Variants in EEPD1 observed in about 807,000 individuals in gnomAD.
EEPD1 encodes the protein endonuclease/exonuclease/phosphatase family domain containing 1, also known as endonuclease/exonuclease/phosphatase family domain-containing protein 1.
Under a neutral mutation model 46.3 loss-of-function variants are expected in EEPD1, and 17 were observed. The ratio of observed to expected loss-of-function variants is 0.37; its 90% CI spans 0.25 to 0.55. EEPD1 has a LOEUF of 0.55. EEPD1 is among the 20% of genes least tolerant of loss of function. The pLI is 0.83. For missense variants in EEPD1, 673 were observed against 745.6 expected (o/e 0.90, Z 1.13); for synonymous variants, 313 against 315.6 (o/e 0.99, Z 0.09).
intron 2 of EEPD1, among the ~76,000 whole-genome samples, chr7:36,218,017 T>A (rs1277535516): frequency 6.6e-6 from 1 of 152,210 alleles, no homozygotes; most frequent in Non-Finnish European, 1.5e-5. Flanking sequence ...TACTCTTTCC[T>A]AGAGAAATGA....
At chr7:36,251,732 T>A (rs1302042123) in intron 3 of EEPD1, among the ~76,000 whole-genome samples, 1 of 152,232 alleles carries the variant, frequency 6.6e-6, no homozygotes, top group Non-Finnish European at 1.5e-5. Context: ...AAATCATAGC[T>A]CACCTTCCCC....
Position 36,297,650 on chromosome 7 carries a change from G to A in EEPD1, c.1510+463G>A, listed in dbSNP as rs563916758. 7.2e-5 allele frequency among the ~76,000 whole-genome samples: 11 copies of A among 152,342 alleles called. No individual in the cohort carries two copies. In the South Asian group the frequency reaches 2.3e-3, roughly 32 times the overall value. ...TAGCAAACATTTGTCAAACATGCAA[G>A]TGTTGTGTTGTAGGATGCAGTGTGT... is the stretch of plus-strand genomic sequence containing the variant. On this transcript the variant is annotated intron_variant, in intron 7 of 7. Transcript: ENST00000242108.
chr7:36,252,041 A>C (rs1313863219), intron 3 of EEPD1, among the ~76,000 whole-genome samples: 1 of 152,216 alleles, frequency 6.6e-6, no homozygotes, highest in Non-Finnish European at 1.5e-5. Flanking sequence ...GGGAACCTGC[A>C]TCCACTGCCA....
chr7:36,283,343 G>A lies in EEPD1; in HGVS notation c.1042-1343G>A, dbSNP rs76702283. ...AAAACAGTGCTGAGCAGGTGAGGGA[G>A]GCAGAGGAAGGAGTAGGCCCCACCG... On this transcript the variant is annotated intron_variant, in intron 4 of 7. Transcript: ENST00000242108. Among the ~76,000 whole-genome samples the A allele has an allele frequency of 5.2e-3, 794 of 152,292 alleles. 6 individuals carry two copies. The highest frequency in any genetic ancestry group is 0.018 in the African/African-American group (759 of 41,564).
chr7:36,289,644 G>A (rs1329043481), intron 6 of EEPD1, among the ~76,000 whole-genome samples: 2 of 152,168 alleles, frequency 1.3e-5, no homozygotes, highest in African/African-American at 2.4e-5. Flanking sequence ...ATAGGCGCCC[G>A]CCACCGCGCC....
intron 4 of EEPD1, among the ~76,000 whole-genome samples, chr7:36,282,133 C>T (rs1230627347): frequency 2.0e-5 from 3 of 152,170 alleles, no homozygotes; most frequent in African/African-American, 7.2e-5. Flanking sequence ...TGAGTCAGCA[C>T]ACATTCAGAG....
chr7:36,172,223 T>C (rs1785097175), intron 2 of EEPD1, among the ~76,000 whole-genome samples: 1 of 152,190 alleles, frequency 6.6e-6, no homozygotes, highest in Non-Finnish European at 1.5e-5. Flanking sequence ...GAAAGTAGAA[T>C]CTCTCTTCTG....
chr7:36,299,205 G>C lies in EEPD1; in HGVS notation c.1709G>C (p.Ter570SerextTer1), dbSNP rs763530110. Residue 570 changes from the stop codon to serine, a stop_lost, in exon 8 of 8, where the codon TGA becomes TCA. Transcript: ENST00000242108. ...GAAGCCAACATCAAGCACGAGCGAT[G>C]ATGACACCAAATCCATGTGTCCACC... Reference protein sequence around the residue: ...RSEANIKHER* With the variant: ...RSEANIKHERS The C allele has an allele frequency of 3.1e-6, 5 of 1,613,422 alleles. No individual in the cohort carries two copies. In the African/African-American group the frequency reaches 6.7e-5, roughly 22 times the overall value.
intron 2 of EEPD1, among the ~76,000 whole-genome samples, chr7:36,212,894 T>A (rs539296873): frequency 3.3e-5 from 5 of 152,288 alleles, no homozygotes; most frequent in Admixed American, 3.3e-4. Context: ...GGCTCACGCC[T>A]ATAATCCCAG....
At chr7:36,294,906 G>C (rs183230931) in intron 6 of EEPD1, among the ~76,000 whole-genome samples, 1 of 152,120 alleles carries the variant, frequency 6.6e-6, no homozygotes, top group Non-Finnish European at 1.5e-5. Flanking sequence ...GGTCAGGCAC[G>C]GTGGCTCACG....
chr7:36,262,032 G>A (rs1583470333), intron 3 of EEPD1, among the ~76,000 whole-genome samples: 1 of 152,186 alleles, frequency 6.6e-6, no homozygotes. Flanking sequence ...AGCGTTCACT[G>A]ACATTCCTTA....
At chr7:36,274,752 G>C (rs749028425) in intron 3 of EEPD1, among the ~76,000 whole-genome samples, 1 of 152,054 alleles carries the variant, frequency 6.6e-6, no homozygotes, top group Non-Finnish European at 1.5e-5. Context: ...TGCAGCCCCC[G>C]TGTGCTCACC....
chr7:36,248,549 G>T (rs1246475570), intron 3 of EEPD1, among the ~76,000 whole-genome samples: 2 of 135,618 alleles, frequency 1.5e-5, no homozygotes, highest in Admixed American at 7.7e-5. Context: ...AAAACACTGT[G>T]TTATTTCAAA....
Position 36,299,197 on chromosome 7 carries a change from C to G in EEPD1, c.1701C>G (p.His567Gln). The stretch of plus-strand genomic sequence containing the variant: ...AGCGAAGTGAAGCCAACATCAAGCA[C>G]GAGCGATGATGACACCAAATCCATG... The part of the protein sequence containing the change: ...ALERSEANIK[H>Q]ER The change falls in exon 8 of 8, where the codon CAC (histidine) becomes CAG (glutamine). Residue 567 changes from histidine to glutamine, a missense_variant. Coordinates refer to ENST00000242108, the MANE Select transcript of EEPD1 (RefSeq NM_030636.3). 1 of 1,613,912 alleles carries G rather than the reference C, an allele frequency of 6.2e-7. No homozygotes were observed. Among genetic ancestry groups the G allele is most frequent in the Non-Finnish European group, 8.5e-7 (1 of 1,179,898 alleles).
intron 2 of EEPD1, among the ~76,000 whole-genome samples, chr7:36,157,703 C>T (rs1011147990): frequency 6.6e-6 from 1 of 152,214 alleles, no homozygotes. Context: ...ATTCCAGACA[C>T]TCCTAGCACA....
chr7:36,229,260 C>T (rs544146960), intron 2 of EEPD1: 1 of 152,300 alleles, frequency 6.6e-6, no homozygotes, highest in African/African-American at 2.4e-5. Flanking sequence ...TATTATAAAA[C>T]AAAACTAGTC....
intron 2 of EEPD1, among the ~76,000 whole-genome samples, chr7:36,169,995 G>A (rs6971879): frequency 0.76 from 115,266 of 152,200 alleles, 44,107 homozygotes; most frequent in Middle Eastern, 0.81. Flanking sequence ...AGCTCTGGCA[G>A]TTTCATCACA....
chr7:36,276,986 TA>T (rs1189185804), intron 3 of EEPD1, among the ~76,000 whole-genome samples: 1 of 152,252 alleles, frequency 6.6e-6, no homozygotes, highest in Admixed American at 6.5e-5. Context: ...GGGCTGCTTT[TA>T]CGTAAGAGTA....
intron 2 of EEPD1, among the ~76,000 whole-genome samples, chr7:36,235,980 A>C (rs1786428914): frequency 6.8e-6 from 1 of 147,638 alleles, no homozygotes. Flanking sequence ...GCTGGAGTGC[A>C]GTGGCGTGAT....
Sources: gnomAD v4.1 joint callset for allele counts (sites outside exome capture counted in the v4.1 genomes callset) on GRCh38, gnomAD v4.1.1 for gene constraint, MANE v1.5 for transcripts, NCBI Gene and HGNC (gene_info 2026-07-23, HGNC 2026-07-21) for gene names.